IQCM: variants seen among roughly 807,000 people sequenced by gnomAD.
IQCM encodes the protein IQ motif containing M, also known as IQ domain-containing protein M.
A neutral mutation model predicts 57.6 loss-of-function variants in IQCM; 45 were observed. The ratio of observed to expected loss-of-function variants is 0.78; its 90% CI spans 0.62 to 1.00. IQCM has a LOEUF of 1.00. IQCM is among the 50% of genes least tolerant of loss of function. The pLI, the probability that IQCM is intolerant of heterozygous loss-of-function variation, is 0.00. For missense variants in IQCM, 468 were observed against 511.6 expected (o/e 0.91, Z 0.82); for synonymous variants, 148 against 158.9 (o/e 0.93, Z 0.51).
At chr4:149,381,550 C>G (rs1731077217) in intron 13 of IQCM, among the ~76,000 whole-genome samples, 1 of 152,050 alleles carries the variant, frequency 6.6e-6, no homozygotes, top group Non-Finnish European at 1.5e-5. Flanking sequence ...CTTTGCTGTT[C>G]ACTCCACTTC....
intron 4 of IQCM, among the ~76,000 whole-genome samples, chr4:149,733,791 C>G (rs992447952): frequency 6.6e-6 from 1 of 152,048 alleles, no homozygotes; most frequent in East Asian, 1.9e-4. Context: ...AACTTTCTCC[C>G]CAAAGTGATA....
intron 13 of IQCM, among the ~76,000 whole-genome samples, chr4:149,395,656 CTAA>C (rs1183358462): frequency 1.3e-5 from 2 of 151,978 alleles, no homozygotes; most frequent in African/African-American, 4.8e-5. Flanking sequence ...AAGAATGAAT[CTAA>C]TGTTATTCTA....
At chr4:149,377,353 G>A (rs1730770592) in intron 13 of IQCM, among the ~76,000 whole-genome samples, 1 of 152,132 alleles carries the variant, frequency 6.6e-6, no homozygotes, top group Non-Finnish European at 1.5e-5. Context: ...CCAAGGCCCT[G>A]AAAGGTCTGG....
intron 2 of IQCM, among the ~76,000 whole-genome samples, chr4:149,762,462 G>A (rs531670695): frequency 6.6e-6 from 1 of 152,056 alleles, no homozygotes; most frequent in Non-Finnish European, 1.5e-5. Context: ...GAAAATAGAG[G>A]GATATGCAAG....
intron 12 of IQCM, among the ~76,000 whole-genome samples, chr4:149,508,300 A>T (rs552422120): frequency 3.4e-4 from 52 of 152,122 alleles, no homozygotes; most frequent in African/African-American, 1.2e-3. Flanking sequence ...AGAATGGTAG[A>T]TCAACTGATA....
chr4:149,368,781 C>T (rs868430715), intron 13 of IQCM, among the ~76,000 whole-genome samples: 2 of 101,802 alleles, frequency 2.0e-5, no homozygotes, highest in Non-Finnish European at 4.4e-5. Flanking sequence ...CATATATATA[C>T]ATGTATATAT....
chr4:149,810,187 C>A lies in IQCM; in HGVS notation c.-49+5124G>T, dbSNP rs577775821. 2.6e-5 allele frequency among the ~76,000 whole-genome samples: 4 copies of A among 151,858 alleles called. No homozygotes were observed. The South Asian group carries it at 8.3e-4, about 32-fold the overall frequency. The stretch of plus-strand genomic sequence containing the variant: ...AACACTTGAGTCCAGGAGTTCGAGA[C>A]CAGCCTGGGCAACATGATGAAACCC... On this transcript the variant is annotated intron_variant, in intron 2 of 13. Coordinates refer to ENST00000636793, the MANE Select transcript of IQCM (RefSeq NM_001363507.2).
chr4:149,571,822 C>T (rs1010417212), intron 9 of IQCM, among the ~76,000 whole-genome samples: 1 of 152,066 alleles, frequency 6.6e-6, no homozygotes, highest in Non-Finnish European at 1.5e-5. Context: ...CAAACTTACA[C>T]AGTCACAACC....
At chr4:149,496,803 T>C (rs548531813) in intron 12 of IQCM, among the ~76,000 whole-genome samples, 42 of 152,328 alleles carry the variant, frequency 2.8e-4, no homozygotes, top group African/African-American at 9.4e-4. Context: ...CTCATTTTAT[T>C]ATTTTTATAA....
chr4:149,554,919 TG>T (rs1234809639), intron 10 of IQCM, among the ~76,000 whole-genome samples: 1 of 151,760 alleles, frequency 6.6e-6, no homozygotes, highest in Non-Finnish European at 1.5e-5. Context: ...CAGGATGGTC[TG>T]GATCTCCTGA....
At chr4:149,655,056 G>C (rs1039961627) in intron 7 of IQCM, among the ~76,000 whole-genome samples, 1 of 151,962 alleles carries the variant, frequency 6.6e-6, no homozygotes, top group Non-Finnish European at 1.5e-5. Context: ...ATACACCACT[G>C]GTCTAAAGAT....
At chr4:149,646,359 G>A (rs1436016675) in intron 7 of IQCM, among the ~76,000 whole-genome samples, 1 of 151,226 alleles carries the variant, frequency 6.6e-6, no homozygotes, top group African/African-American at 2.4e-5. Flanking sequence ...AATGCATCAT[G>A]GATTCTTGAG....
At chr4:149,508,451 C>G (rs1026729261) in intron 12 of IQCM, among the ~76,000 whole-genome samples, 4 of 152,186 alleles carry the variant, frequency 2.6e-5, no homozygotes, top group African/African-American at 9.6e-5. Flanking sequence ...TCAGCATGAC[C>G]TGAACATGAG....
chr4:149,584,432 A>G (rs139105296), intron 9 of IQCM, among the ~76,000 whole-genome samples: 4,556 of 151,824 alleles, frequency 0.03, 108 homozygotes, highest in Middle Eastern at 0.055. Context: ...TGTATATGAA[A>G]TGAATACTTA....
chr4:149,763,351 T>C (rs950472988), intron 2 of IQCM, among the ~76,000 whole-genome samples: 2 of 151,760 alleles, frequency 1.3e-5, no homozygotes, highest in Non-Finnish European at 2.9e-5. Context: ...CATCACAGAG[T>C]ATTATTTTTT....
chr4:149,643,638 T>C (rs1318064106), intron 7 of IQCM, among the ~76,000 whole-genome samples: 1 of 152,176 alleles, frequency 6.6e-6, no homozygotes, highest in Non-Finnish European at 1.5e-5. Flanking sequence ...TACCGAGCAC[T>C]GTTTATCCAA....
intron 13 of IQCM, among the ~76,000 whole-genome samples, chr4:149,409,555 C>T (rs1490729513): frequency 1.3e-5 from 2 of 152,238 alleles, no homozygotes; most frequent in Non-Finnish European, 2.9e-5. Context: ...TCTTCACCAA[C>T]TCCCTTTTTG....
chr4:149,755,658 T>G (rs1374376725), intron 2 of IQCM, among the ~76,000 whole-genome samples: 1 of 152,154 alleles, frequency 6.6e-6, no homozygotes, highest in African/African-American at 2.4e-5. Flanking sequence ...CTATTTAACA[T>G]ACAATATATA....
chr4:149,581,512 G>T (rs1355757507), intron 9 of IQCM, among the ~76,000 whole-genome samples: 1 of 151,434 alleles, frequency 6.6e-6, no homozygotes, highest in Non-Finnish European at 1.5e-5. Context: ...AGAACAGGAA[G>T]GAAGGAGAAA....
Sources: allele counts gnomAD v4.1 joint callset (sites outside exome capture counted in the v4.1 genomes callset), GRCh38; gene constraint gnomAD v4.1.1; transcripts MANE v1.5; gene names NCBI Gene and HGNC (gene_info 2026-07-23, HGNC 2026-07-21).